Variants in KDM4C observed in about 807,000 individuals in gnomAD.
The protein encoded by KDM4C is lysine demethylase 4C, also known as lysine-specific demethylase 4C.
Under a neutral mutation model 129.3 loss-of-function variants are expected in KDM4C, and 81 were observed. The ratio of observed to expected loss-of-function variants is 0.63; its 90% confidence interval spans 0.52 to 0.75. KDM4C has a LOEUF of 0.75. KDM4C is among the 30% of genes least tolerant of loss of function. The pLI, the probability that KDM4C is intolerant of heterozygous loss-of-function variation, is 0.00. For missense variants in KDM4C, 1,457 were observed against 1,304.0 expected (o/e 1.12, Z -1.81); for synonymous variants, 573 against 456.1 (o/e 1.26, Z -3.26).
At chr9:7,096,979 A>G (rs182659720) in intron 17 of KDM4C, among the ~76,000 whole-genome samples, 1 of 152,270 alleles carries the variant, frequency 6.6e-6, no homozygotes, top group African/African-American at 2.4e-5. Flanking sequence ...TCAGCCTGCC[A>G]TCCCTTGGCT....
intron 19 of KDM4C, among the ~76,000 whole-genome samples, chr9:7,158,963 T>C (rs961505756): frequency 2.6e-5 from 4 of 152,172 alleles, no homozygotes; most frequent in African/African-American, 9.7e-5. Context: ...CCATTATTAT[T>C]GTGTGGGAGT....
At chr9:6,845,266 T>G (rs1474796488) in intron 4 of KDM4C, among the ~76,000 whole-genome samples, 1 of 152,056 alleles carries the variant, frequency 6.6e-6, no homozygotes, top group Non-Finnish European at 1.5e-5. Flanking sequence ...CAGGCAGGAG[T>G]GCAGTGGCGC....
At chr9:7,014,488 A>C (rs1225592025) in intron 14 of KDM4C, among the ~76,000 whole-genome samples, 1 of 152,126 alleles carries the variant, frequency 6.6e-6, no homozygotes, top group Non-Finnish European at 1.5e-5. Flanking sequence ...CAGTCATTAC[A>C]GTTGTTTTAC....
chr9:6,863,243 C>A (rs1841292155), intron 5 of KDM4C, among the ~76,000 whole-genome samples: 1 of 151,692 alleles, frequency 6.6e-6, no homozygotes, highest in African/African-American at 2.4e-5. Flanking sequence ...TAGTAGGTTG[C>A]TGTAGTTATT....
At chr9:7,103,501 A>G (rs1341709198) in intron 17 of KDM4C, among the ~76,000 whole-genome samples, 184 bp from the exon 18 acceptor site, 2 of 152,156 alleles carry the variant, frequency 1.3e-5, no homozygotes, top group African/African-American at 2.4e-5. Flanking sequence ...TTTCCTTTAA[A>G]GAAAGTAGAT....
chr9:6,909,862 G>A (rs1043179534), intron 8 of KDM4C, among the ~76,000 whole-genome samples: 9 of 152,132 alleles, frequency 5.9e-5, no homozygotes, highest in Non-Finnish European at 1.2e-4. Context: ...ATCCTTGAGT[G>A]GAGCAAGACT....
intron 4 of KDM4C, among the ~76,000 whole-genome samples, chr9:6,842,522 A>G (rs151311352): frequency 4.6e-5 from 7 of 151,668 alleles, no homozygotes; most frequent in Admixed American, 2.6e-4. Context: ...TATTTTTAGT[A>G]GAGATGGAGT....
At chr9:6,997,984 A>G (rs1164691946) in intron 12 of KDM4C, among the ~76,000 whole-genome samples, 2 of 152,258 alleles carry the variant, frequency 1.3e-5, no homozygotes, top group African/African-American at 4.8e-5. Context: ...AGGCAGCCTC[A>G]TCTGTTAATA....
intron 17 of KDM4C, among the ~76,000 whole-genome samples, chr9:7,055,280 C>A (rs1179984984): frequency 6.6e-6 from 1 of 152,160 alleles, no homozygotes; most frequent in Non-Finnish European, 1.5e-5. Context: ...TGTCTTTAGA[C>A]CTTTCTAGGA....
intron 8 of KDM4C, among the ~76,000 whole-genome samples, chr9:6,928,905 C>G (rs10975905): frequency 0.087 from 13,262 of 152,192 alleles, 1,625 homozygotes; most frequent in African/African-American, 0.27. Flanking sequence ...TTGGGACCCT[C>G]TACAGCTTAT....
At position 6,805,670 on chromosome 9, in the gene KDM4C, A is replaced by C; in HGVS notation, c.216A>C (p.Pro72=). 1 of 1,614,142 alleles carries C rather than the reference A, an allele frequency of 6.2e-7. No individual in the cohort carries two copies. Among genetic ancestry groups the C allele is most frequent in the Non-Finnish European group, 8.5e-7 (1 of 1,179,992 alleles). Reference sequence around the variant, plus strand: ...TTGATAATTTGCTCATTCCAGCACCAATTCAGCAGATGGTCACAGGGCAGT... The same window carrying C: ...TTGATAATTTGCTCATTCCAGCACCCATTCAGCAGATGGTCACAGGGCAGT... ...DDIDNLLIPA[P]IQQMVTGQSG... is the part of the protein sequence containing the mutation. The change falls in exon 3 of 22, where the codon CCA becomes CCC. Residue 72 remains proline (P), a synonymous_variant. Transcript: ENST00000381309.
At chr9:6,919,240 TTC>T in intron 8 of KDM4C, among the ~76,000 whole-genome samples, 3 of 94,806 alleles carry the variant, frequency 3.2e-5, no homozygotes, top group African/African-American at 1.3e-4. Flanking sequence ...CTTTCTTTCT[TTC>T]TTTCTTTTCT....
intron 8 of KDM4C, among the ~76,000 whole-genome samples, chr9:6,927,442 C>T (rs973667277): frequency 6.6e-6 from 1 of 152,104 alleles, no homozygotes; most frequent in Non-Finnish European, 1.5e-5. Flanking sequence ...TTTTTTCTAA[C>T]ATTTATTCCA....
intron 5 of KDM4C, among the ~76,000 whole-genome samples, chr9:6,873,242 C>T (rs1347516919): frequency 6.6e-6 from 1 of 152,128 alleles, no homozygotes; most frequent in Non-Finnish European, 1.5e-5. Flanking sequence ...GGTGATCCAC[C>T]CGCCTCGGCC....
At chr9:7,066,201 A>G (rs1832402741) in intron 17 of KDM4C, among the ~76,000 whole-genome samples, 1 of 152,198 alleles carries the variant, frequency 6.6e-6, no homozygotes, top group South Asian at 2.1e-4. Context: ...AAATACATAC[A>G]GAGCTGATCA....
intron 2 of KDM4C, among the ~76,000 whole-genome samples, chr9:6,801,615 T>TA (rs1201563204): frequency 2.7e-5 from 4 of 149,504 alleles, no homozygotes; most frequent in African/African-American, 1.0e-4. Flanking sequence ...CTTGTGCAGA[T>TA]ATGCTCTCTC....
intron 19 of KDM4C, among the ~76,000 whole-genome samples, chr9:7,140,801 C>T (rs777380103): frequency 9.9e-5 from 15 of 152,122 alleles, no homozygotes; most frequent in Admixed American, 5.2e-4. Flanking sequence ...GAGTGACATA[C>T]GCAGCATGTA....
intron 19 of KDM4C, among the ~76,000 whole-genome samples, chr9:7,155,911 C>G (rs1361586693): frequency 2.6e-5 from 4 of 152,208 alleles, no homozygotes. Flanking sequence ...ATTTCTAGTT[C>G]TAGATCCGTG....
At chr9:6,738,446 G>C (rs534284872) in intron 1 of KDM4C, among the ~76,000 whole-genome samples, 22 of 152,148 alleles carry the variant, frequency 1.4e-4, no homozygotes, top group Non-Finnish European at 2.8e-4. Flanking sequence ...CTGTACTCCA[G>C]CTTGGGCGAC....
Sources: gnomAD v4.1 joint callset for allele counts (sites outside exome capture counted in the v4.1 genomes callset) on GRCh38, gnomAD v4.1.1 for gene constraint, MANE v1.5 for transcripts, NCBI Gene and HGNC (gene_info 2026-07-23, HGNC 2026-07-21) for gene names.